HS6ST2: variants seen among roughly 807,000 people sequenced by gnomAD.
The protein encoded by HS6ST2 is heparan sulfate 6-O-sulfotransferase 2, also known as heparan-sulfate 6-O-sulfotransferase 2.
Under a neutral mutation model 33.0 loss-of-function variants are expected in HS6ST2, and 17 were observed. That is an observed-to-expected ratio of 0.52 (90% CI 0.35 to 0.77). The LOEUF is 0.77. HS6ST2 is among the 30% of genes least tolerant of loss of function. HS6ST2 has a pLI of 0.01. For synonymous variants in HS6ST2, 248 were observed against 237.1 expected, an observed-to-expected ratio of 1.05 and a Z score of -0.42; for missense variants, 519 against 551.7, an observed-to-expected ratio of 0.94 and a Z score of 0.59.
intron 2 of HS6ST2, among the ~76,000 whole-genome samples, chrX:132,938,480 A>G (rs751174739): frequency 9.1e-6 from 1 of 110,422 alleles, no homozygotes; most frequent in Non-Finnish European, 1.9e-5. Flanking sequence ...ATCTCTACAC[A>G]GAATTTAAAA....
At chrX:132,701,420 T>G (rs1409535466) in intron 3 of HS6ST2, among the ~76,000 whole-genome samples, 1 of 112,408 alleles carries the variant, frequency 8.9e-6, no homozygotes, top group African/African-American at 3.2e-5. Context: ...TTTCTCTGGA[T>G]TTTTAAAAAA....
At chrX:132,798,566 C>CA (rs1003188398) in intron 2 of HS6ST2, among the ~76,000 whole-genome samples, 1 of 111,238 alleles carries the variant, frequency 9.0e-6, no homozygotes, top group Middle Eastern at 4.6e-3. Flanking sequence ...TGCTATTTTA[C>CA]AAAAAAAGTC....
chrX:132,815,366 G>A (rs1268003214), intron 2 of HS6ST2, among the ~76,000 whole-genome samples: 1 of 111,503 alleles, frequency 9.0e-6, no homozygotes, highest in African/African-American at 3.3e-5. Context: ...GTCCTATAAG[G>A]TAGTTACAAT....
intron 2 of HS6ST2, among the ~76,000 whole-genome samples, chrX:132,755,101 T>C (rs1022397193): frequency 8.9e-6 from 1 of 112,207 alleles, no homozygotes; most frequent in Non-Finnish European, 1.9e-5. Flanking sequence ...GGGCAGAGAA[T>C]CTACACAAAT....
intron 2 of HS6ST2, among the ~76,000 whole-genome samples, chrX:132,876,261 A>G (rs966036508): frequency 9.0e-6 from 1 of 111,416 alleles, no homozygotes; most frequent in Non-Finnish European, 1.9e-5. Context: ...AAATTTCATT[A>G]ACCTTTGAGA....
chrX:132,886,201 C>T (rs1195808815), intron 2 of HS6ST2, among the ~76,000 whole-genome samples: 1 of 111,300 alleles, frequency 9.0e-6, no homozygotes, highest in Non-Finnish European at 1.9e-5. Flanking sequence ...AGTATGACAA[C>T]AAAAATAACA....
chrX:132,848,764 C>T (rs1392111763), intron 2 of HS6ST2, among the ~76,000 whole-genome samples: 2 of 111,694 alleles, frequency 1.8e-5, no homozygotes, highest in African/African-American at 6.5e-5. Context: ...GTGGAATTAC[C>T]GAAGTGTCTA....
At chrX:132,912,453 T>G (rs982921046) in intron 2 of HS6ST2, among the ~76,000 whole-genome samples, 3 of 112,879 alleles carry the variant, frequency 2.7e-5, no homozygotes, top group Admixed American at 9.3e-5. Flanking sequence ...ATTTAATACA[T>G]GTAGGCTGTG....
intron 2 of HS6ST2, among the ~76,000 whole-genome samples, chrX:132,787,571 C>T (rs1301288336): frequency 9.9e-6 from 1 of 101,233 alleles, no homozygotes; most frequent in African/African-American, 3.5e-5. Context: ...GGATTACAGG[C>T]GTGAGCCACC....
intron 2 of HS6ST2, among the ~76,000 whole-genome samples, chrX:132,951,859 T>C (rs1165244566): frequency 2.7e-5 from 3 of 112,450 alleles, no homozygotes; most frequent in Non-Finnish European, 5.6e-5. Flanking sequence ...TTTAAAGACA[T>C]TATTGATTTT....
At chrX:132,896,470 C>CA (rs1176818195) in intron 2 of HS6ST2, among the ~76,000 whole-genome samples, 326 of 52,132 alleles carry the variant, frequency 6.3e-3, no homozygotes, top group South Asian at 7.9e-3. Flanking sequence ...GACTCCGTCT[C>CA]AAAAAAAAAA....
At chrX:132,955,368 A>G (rs1183106663) in intron 2 of HS6ST2, among the ~76,000 whole-genome samples, 1 of 112,476 alleles carries the variant, frequency 8.9e-6, no homozygotes, top group Non-Finnish European at 1.9e-5. Flanking sequence ...TTGAGAAAGG[A>G]CAGTGTAAAC....
At chrX:132,900,424 A>G (rs1201701277) in intron 2 of HS6ST2, among the ~76,000 whole-genome samples, 1 of 111,903 alleles carries the variant, frequency 8.9e-6, no homozygotes, top group Non-Finnish European at 1.9e-5. Context: ...TATTTAAATC[A>G]AAAATAATAG....
At chrX:132,692,220 C>G (rs1306305675) in intron 3 of HS6ST2, among the ~76,000 whole-genome samples, 1 of 111,149 alleles carries the variant, frequency 9.0e-6, no homozygotes, top group Non-Finnish European at 1.9e-5. Flanking sequence ...TCCCAGCCCA[C>G]GCTCAGTTTA....
chrX:132,762,306 G>A (rs770745349), intron 2 of HS6ST2, among the ~76,000 whole-genome samples: 4 of 111,366 alleles, frequency 3.6e-5, no homozygotes, highest in Non-Finnish European at 5.6e-5. Flanking sequence ...CAATCCCAGG[G>A]CCAGGTTCAC....
chrX:132,814,610 A>T (rs1359859719), intron 2 of HS6ST2, among the ~76,000 whole-genome samples: 1 of 111,293 alleles, frequency 9.0e-6, no homozygotes, highest in Non-Finnish European at 1.9e-5. Flanking sequence ...CCCAGGATCA[A>T]GCGATTCTTG....
intron 2 of HS6ST2, among the ~76,000 whole-genome samples, chrX:132,723,770 A>C (rs1305932347): frequency 8.9e-6 from 1 of 112,116 alleles, no homozygotes; most frequent in Non-Finnish European, 1.9e-5. Context: ...CATGACAAGG[A>C]TGCCTGCTGT....
intron 2 of HS6ST2, among the ~76,000 whole-genome samples, chrX:132,828,501 C>T (rs748073113): frequency 6.5e-5 from 7 of 107,367 alleles, no homozygotes; most frequent in Non-Finnish European, 1.3e-4. Flanking sequence ...TGGCAATCTC[C>T]CTTCAGAGAC....
intron 2 of HS6ST2, among the ~76,000 whole-genome samples, chrX:132,953,792 C>G (rs2067040232): frequency 8.9e-6 from 1 of 112,438 alleles, no homozygotes; most frequent in South Asian, 3.7e-4. Flanking sequence ...AAAACTCATC[C>G]AAACTCACAT....
Sources: gnomAD v4.1 joint callset for allele counts (sites outside exome capture counted in the v4.1 genomes callset) on GRCh38, gnomAD v4.1.1 for gene constraint, MANE v1.5 for transcripts, NCBI Gene and HGNC (gene_info 2026-07-23, HGNC 2026-07-21) for gene names.